ADCY2: variants seen among roughly 807,000 people sequenced by gnomAD.
The protein encoded by ADCY2 is adenylate cyclase type 2.
Under a neutral mutation model 125.2 loss-of-function variants are expected in ADCY2, and 31 were observed. The observed-to-expected ratio is 0.25, with a 90% CI of 0.19 to 0.33. ADCY2 has a LOEUF of 0.33. ADCY2 is among the 10% of genes least tolerant of loss of function. The pLI is 1.00. For missense variants in ADCY2, 904 were observed against 1,418.2 expected, an observed-to-expected ratio of 0.64 and a Z score of 5.82; for synonymous variants, 512 against 548.4, an observed-to-expected ratio of 0.93 and a Z score of 0.93.
chr5:7,492,376 G>A (rs758460270), intron 2 of ADCY2, among the ~76,000 whole-genome samples: 1 of 152,316 alleles, frequency 6.6e-6, no homozygotes, highest in Non-Finnish European at 1.5e-5. Context: ...GGCATTGGAG[G>A]AATGTGATCA....
chr5:7,455,729 A>G (rs1169400943), intron 2 of ADCY2, among the ~76,000 whole-genome samples: 1 of 147,450 alleles, frequency 6.8e-6, no homozygotes, highest in Non-Finnish European at 1.5e-5. Flanking sequence ...TTATTATAAT[A>G]TATGATATAC....
At chr5:7,617,505 G>A (rs1273407020) in intron 3 of ADCY2, among the ~76,000 whole-genome samples, 1 of 152,134 alleles carries the variant, frequency 6.6e-6, no homozygotes, top group East Asian at 1.9e-4. Context: ...CATAATCATA[G>A]CATACTAATG....
intron 2 of ADCY2, among the ~76,000 whole-genome samples, chr5:7,516,823 C>G (rs1561069318): frequency 6.6e-6 from 1 of 151,996 alleles, no homozygotes; most frequent in East Asian, 2.0e-4. Flanking sequence ...TATTTCCTAA[C>G]AAACAGAAAC....
chr5:7,531,350 G>A (rs1338941378), intron 3 of ADCY2, among the ~76,000 whole-genome samples: 2 of 152,104 alleles, frequency 1.3e-5, no homozygotes, highest in Non-Finnish European at 2.9e-5. Context: ...CTACATCTAA[G>A]TTTTGTGGTC....
chr5:7,714,661 C>T (rs1741541737), intron 11 of ADCY2, among the ~76,000 whole-genome samples: 1 of 152,234 alleles, frequency 6.6e-6, no homozygotes, highest in Non-Finnish European at 1.5e-5. Flanking sequence ...TTCAGGCTTG[C>T]CTGCTTTAGT....
At chr5:7,541,772 T>C (rs1329777313) in intron 3 of ADCY2, among the ~76,000 whole-genome samples, 2 of 152,204 alleles carry the variant, frequency 1.3e-5, no homozygotes, top group East Asian at 1.9e-4. Context: ...GGAAATGGAA[T>C]ACAGAGTCCA....
chr5:7,523,196 A>G (rs1486581241), intron 3 of ADCY2, among the ~76,000 whole-genome samples: 1 of 152,212 alleles, frequency 6.6e-6, no homozygotes, highest in Non-Finnish European at 1.5e-5. Flanking sequence ...AACAGGGTTA[A>G]AACAAAAAAG....
intron 3 of ADCY2, among the ~76,000 whole-genome samples, chr5:7,574,107 T>G (rs1736165054): frequency 8.7e-6 from 1 of 114,770 alleles, no homozygotes; most frequent in African/African-American, 2.9e-5. Flanking sequence ...TTTTTATGGC[T>G]GCATAGTATT....
intron 3 of ADCY2, among the ~76,000 whole-genome samples, chr5:7,544,009 G>A (rs541762074): frequency 0.01 from 569 of 56,638 alleles, 4 homozygotes; most frequent in African/African-American, 0.033. Flanking sequence ...GCGAGACTCC[G>A]TCTCAAAAAA....
At position 7,695,820 on chromosome 5, in the gene ADCY2, A is replaced by G; in HGVS notation, c.938A>G (p.His313Arg). The change falls in exon 6 of 25, where the codon CAC becomes CGC. Residue 313 changes from histidine (H) to arginine (R), a missense_variant. Physicochemically the swap from His to Arg is conservative, Grantham distance 29. This residue lies in a region of ADCY2 where 117 missense variants were observed against 248.0 expected (regional missense o/e 0.47). Transcript: ENST00000338316. ...GACTGCTCCCCGGGAGAACTAGTCCACATGCTGAATGAGCTCTTTGGAAAG... is the reference window on the plus strand; with the variant it reads ...GACTGCTCCCCGGGAGAACTAGTCCGCATGCTGAATGAGCTCTTTGGAAAG... Reference protein sequence around the residue: ...ASDCSPGELVHMLNELFGKFD... With the variant: ...ASDCSPGELVRMLNELFGKFD... 6.2e-7 allele frequency: 1 copy of G among 1,612,940 alleles called. No homozygotes were observed. The highest frequency in any genetic ancestry group is 1.7e-4 in the Middle Eastern group (1 of 6,058).
chr5:7,693,404 C>CTGTTTTT (rs1191918037), intron 5 of ADCY2, among the ~76,000 whole-genome samples: 3 of 75,742 alleles, frequency 4.0e-5, no homozygotes, highest in Admixed American at 1.2e-4. Flanking sequence ...CAATTGCCTG[C>CTGTTTTT]TGTTTTTTGT....
At chr5:7,756,387 G>C (rs6555493) in intron 15 of ADCY2, among the ~76,000 whole-genome samples, 151,420 of 152,328 alleles carry the variant, frequency 0.99, 75,264 homozygotes, top group Middle Eastern at 1. Flanking sequence ...CCCCAACCCC[G>C]ATATGTATAG....
At chr5:7,650,450 A>C (rs1172484737) in intron 4 of ADCY2, among the ~76,000 whole-genome samples, 1 of 152,188 alleles carries the variant, frequency 6.6e-6, no homozygotes, top group African/African-American at 2.4e-5. Context: ...AGTAAAATTC[A>C]GGGATAGTAA....
chr5:7,762,048 T>A (rs7727899), intron 16 of ADCY2, among the ~76,000 whole-genome samples: 2 of 152,126 alleles, frequency 1.3e-5, no homozygotes, highest in Admixed American at 6.5e-5. Flanking sequence ...CATACCAAGC[T>A]GCCTTCTGTA....
intron 3 of ADCY2, among the ~76,000 whole-genome samples, chr5:7,584,039 G>A (rs1158863081): frequency 6.6e-6 from 1 of 152,088 alleles, no homozygotes. Flanking sequence ...AAAAGTGGTT[G>A]CCTCTAGGAA....
intron 2 of ADCY2, among the ~76,000 whole-genome samples, chr5:7,436,428 T>A (rs1473272030): frequency 6.6e-6 from 1 of 152,224 alleles, no homozygotes; most frequent in African/African-American, 2.4e-5. Context: ...TCTGATGTAG[T>A]GAAACAATAT....
intron 3 of ADCY2, among the ~76,000 whole-genome samples, chr5:7,615,918 C>G (rs1208547502): frequency 6.6e-6 from 1 of 152,196 alleles, no homozygotes; most frequent in Admixed American, 6.5e-5. Flanking sequence ...TCAACAGACA[C>G]ATTGGCCACT....
At chr5:7,574,747 A>T (rs1046662158) in intron 3 of ADCY2, among the ~76,000 whole-genome samples, 2 of 152,182 alleles carry the variant, frequency 1.3e-5, no homozygotes, top group African/African-American at 2.4e-5. Flanking sequence ...CACATGGAGG[A>T]CATCCTTTGA....
chr5:7,511,519 G>A (rs1744057719), intron 2 of ADCY2, among the ~76,000 whole-genome samples: 1 of 152,088 alleles, frequency 6.6e-6, no homozygotes, highest in African/African-American at 2.4e-5. Flanking sequence ...AGGCTGCAGT[G>A]AGCTGAGATC....
Sources: gnomAD v4.1 joint callset for allele counts (sites outside exome capture counted in the v4.1 genomes callset) on GRCh38, gnomAD v4.1.1 for gene constraint, gnomAD v4.1.1 regional missense constraint, MANE v1.5 for transcripts, NCBI Gene and HGNC (gene_info 2026-07-23, HGNC 2026-07-21) for gene names.